The following CCDC88A variants were observed in gnomAD, a reference collection of about 807,000 sequenced individuals.
CCDC88A encodes coiled-coil and HOOK domain protein 88A.
Under a neutral mutation model 234.3 loss-of-function variants are expected in CCDC88A, and 54 were observed. The ratio of observed to expected loss-of-function variants is 0.23; its 90% CI spans 0.19 to 0.29. The LOEUF is 0.29. Among genes scored for constraint, CCDC88A ranks in the 10% least tolerant of loss-of-function variants. CCDC88A has a pLI of 1.00. For synonymous variants in CCDC88A, 753 were observed against 737.8 expected, an observed-to-expected ratio of 1.02 and a Z score of -0.33; for missense variants, 1,832 against 2,123.4, an observed-to-expected ratio of 0.86 and a Z score of 2.70.
At chr2:55,411,120 T>C (rs1209472756) in intron 2 of CCDC88A, among the ~76,000 whole-genome samples, 1 of 152,184 alleles carries the variant, frequency 6.6e-6, no homozygotes, top group Non-Finnish European at 1.5e-5. Context: ...TTAAGTATTA[T>C]ACAGATGTCC....
At chr2:55,346,079 A>C (rs1669075476) in intron 10 of CCDC88A, 96 bp downstream of exon 10, 2 of 796,590 alleles carry the variant, frequency 2.5e-6, no homozygotes, top group Admixed American at 5.1e-5. Flanking sequence ...TTTGTTCACC[A>C]TTTCAAGAGT....
chr2:55,353,863 G>A (rs1670210737), intron 8 of CCDC88A, among the ~76,000 whole-genome samples: 1 of 152,158 alleles, frequency 6.6e-6, no homozygotes, highest in South Asian at 2.1e-4. Flanking sequence ...ATGCAGTCAT[G>A]CATTGTTTAA....
chr2:55,301,184 T>C (rs1218457559), intron 28 of CCDC88A, 22 bp downstream of exon 28: 1 of 1,436,126 alleles, frequency 7.0e-7, no homozygotes, highest in Non-Finnish European at 9.8e-7. Flanking sequence ...GTGTACTCTC[T>C]AAATAAGGTT....
At chr2:55,390,919 T>C (rs1012252139) in intron 2 of CCDC88A, among the ~76,000 whole-genome samples, 5 of 152,078 alleles carry the variant, frequency 3.3e-5, no homozygotes, top group Non-Finnish European at 5.9e-5. Flanking sequence ...ACGGGAGGAA[T>C]GCCTGAGGCC....
chr2:55,389,308 G>A (rs2104894438), intron 2 of CCDC88A, among the ~76,000 whole-genome samples: 1 of 152,296 alleles, frequency 6.6e-6, no homozygotes, highest in South Asian at 2.1e-4. Flanking sequence ...ATGTCCCAGA[G>A]AAATTCAAGG....
At chr2:55,383,223 T>C (rs1048597633) in intron 3 of CCDC88A, among the ~76,000 whole-genome samples, 2 of 152,174 alleles carry the variant, frequency 1.3e-5, no homozygotes, top group South Asian at 4.1e-4. Flanking sequence ...AAGATGACCT[T>C]GATGCTTACC....
intron 31 of CCDC88A, chr2:55,292,812 T>C (rs1327518089): frequency 6.6e-6 from 1 of 152,232 alleles, no homozygotes; most frequent in Non-Finnish European, 1.5e-5. Context: ...AGTGAGATGA[T>C]ATCACGCCAC....
intron 19 of CCDC88A, among the ~76,000 whole-genome samples, chr2:55,318,169 T>G (rs929172732): frequency 1.3e-5 from 2 of 152,158 alleles, no homozygotes; most frequent in African/African-American, 2.4e-5. Context: ...TTTGAAGTAC[T>G]AGTTTATCAT....
chr2:55,355,481 T>TA (rs1018383785), intron 8 of CCDC88A, 98 bp downstream of exon 8: 73 of 1,037,660 alleles, frequency 7.0e-5, no homozygotes, highest in Non-Finnish European at 1.1e-4. Flanking sequence ...GTGAAAACAC[T>TA]GACACAAGCT....
chr2:55,299,589 T>C (rs1415981960), intron 29 of CCDC88A, among the ~76,000 whole-genome samples: 2 of 152,200 alleles, frequency 1.3e-5, no homozygotes, highest in Non-Finnish European at 2.9e-5. Flanking sequence ...TTTTGAAGTA[T>C]AAATATTACT....
intron 2 of CCDC88A, among the ~76,000 whole-genome samples, chr2:55,408,145 T>C (rs1197270836): frequency 2.0e-5 from 3 of 152,122 alleles, no homozygotes; most frequent in African/African-American, 7.3e-5. Flanking sequence ...TTCTATTTTA[T>C]CCACCCATTA....
At chr2:55,371,458 T>A (rs937387565) in intron 5 of CCDC88A, among the ~76,000 whole-genome samples, 1 of 152,180 alleles carries the variant, frequency 6.6e-6, no homozygotes, top group African/African-American at 2.4e-5. Flanking sequence ...GTGAGACAGT[T>A]TAAAATGACA....
chr2:55,300,051 TAGAA>T, intron 28 of CCDC88A, 132 bp from the exon 29 acceptor site: 1 of 648,502 alleles, frequency 1.5e-6, no homozygotes. Context: ...ATGCCCAGAT[TAGAA>T]AGCAAATTTC....
intron 17 of CCDC88A, among the ~76,000 whole-genome samples, chr2:55,325,280 C>T (rs531299640): frequency 1.3e-5 from 2 of 152,260 alleles, no homozygotes; most frequent in South Asian, 4.1e-4. Context: ...TTAAATTCAT[C>T]CATAAGTATT....
At chr2:55,380,363 C>T (rs1053642973) in intron 3 of CCDC88A, among the ~76,000 whole-genome samples, 1 of 152,070 alleles carries the variant, frequency 6.6e-6, no homozygotes, top group Non-Finnish European at 1.5e-5. Context: ...TGAATGTTTT[C>T]AGGGCCATTA....
At chr2:55,305,732 G>A (rs993496442) in intron 25 of CCDC88A, among the ~76,000 whole-genome samples, 1 of 152,040 alleles carries the variant, frequency 6.6e-6, no homozygotes, top group Non-Finnish European at 1.5e-5. Flanking sequence ...CTGTTTTCCT[G>A]TAGTCCCAGC....
chr2:55,418,946 T>C (rs754425409), intron 1 of CCDC88A, 30 bp from the exon 2 acceptor site: 13 of 1,602,146 alleles, frequency 8.1e-6, no homozygotes, highest in South Asian at 1.1e-5. Context: ...CACCACGACA[T>C]GAACGCCCAC....
Position 55,334,738 on chromosome 2 carries a change from C to T in CCDC88A, c.2083G>A (p.Glu695Lys). ...LTFQLESLEK[E>K]NSQLDEENLE... Reference sequence around the variant, plus strand: ...TTTTCCTCATCAAGTTGGGAATTCTCTTTTTCTAGGGATTCTAACTGAAAG... The same window carrying T: ...TTTTCCTCATCAAGTTGGGAATTCTTTTTTTCTAGGGATTCTAACTGAAAG... The change falls in exon 15 of 33, where the codon GAG becomes AAG. Residue 695 changes from glutamate to lysine, a missense_variant. By Grantham distance (56) the Glu-to-Lys change is moderately conservative (BLOSUM62 1). Transcript: ENST00000436346. This position sits in a 1 kb window ranked among gnomAD's most constrained non-coding sequence, Gnocchi z 6.1. 1.2e-6 allele frequency: 2 copies of T among 1,612,370 alleles called. No individual in the cohort carries two copies. Among genetic ancestry groups the T allele is most frequent in the African/African-American group, 2.7e-5 (2 of 74,978 alleles).
chr2:55,398,146 T>C (rs1677942150), intron 2 of CCDC88A, among the ~76,000 whole-genome samples: 1 of 152,242 alleles, frequency 6.6e-6, no homozygotes, highest in Non-Finnish European at 1.5e-5. Context: ...TGCTGCTTTG[T>C]GTCTACAAAT....
Sources: allele counts gnomAD v4.1 joint callset (sites outside exome capture counted in the v4.1 genomes callset), GRCh38; gene constraint gnomAD v4.1.1; non-coding constraint Gnocchi (gnomAD v3.1); transcripts MANE v1.5; gene names NCBI Gene and HGNC (gene_info 2026-07-23, HGNC 2026-07-21).